The following ITPRID2 variants were observed in gnomAD, a reference collection of about 807,000 sequenced individuals.
ITPRID2 encodes ITPR interacting domain containing 2.
Under a neutral mutation model 124.3 loss-of-function variants are expected in ITPRID2, and 60 were observed. The ratio of observed to expected loss-of-function variants is 0.48; its 90% CI spans 0.39 to 0.60. ITPRID2 has a LOEUF of 0.60. Ranked by LOEUF, ITPRID2 falls within the 20% of genes least tolerant of loss-of-function variation. The pLI is 0.00. For missense variants in ITPRID2, 1,553 were observed against 1,512.2 expected (o/e 1.03, Z -0.45); for synonymous variants, 521 against 542.9 (o/e 0.96, Z 0.56).
intron 2 of ITPRID2, chr2:181,893,993 T>G (rs1691977344): frequency 6.6e-6 from 1 of 152,226 alleles, no homozygotes; most frequent in East Asian, 1.9e-4. Flanking sequence ...TAACTTTTAC[T>G]TAAGTCCTTT....
intron 8 of ITPRID2, 99 bp from the exon 9 acceptor site, chr2:181,909,800 C>A: frequency 2.5e-6 from 2 of 795,058 alleles, no homozygotes; most frequent in Non-Finnish European, 4.0e-6. Flanking sequence ...TTTTGGTGCA[C>A]TTGAGTTAGG....
At chr2:181,918,928 CAA>C in intron 13 of ITPRID2, 46 bp downstream of exon 13, 2 of 1,597,020 alleles carry the variant, frequency 1.3e-6, no homozygotes, top group Non-Finnish European at 1.7e-6. Context: ...GCTTTTCATT[CAA>C]AGTCTTCTCA....
At chr2:181,921,057 G>T (rs1436342773) in intron 15 of ITPRID2, among the ~76,000 whole-genome samples, 2 of 152,202 alleles carry the variant, frequency 1.3e-5, no homozygotes, top group Non-Finnish European at 2.9e-5. Context: ...GGTGATATGT[G>T]CCTGTAGTCC....
intron 8 of ITPRID2, among the ~76,000 whole-genome samples, chr2:181,906,299 A>G (rs1693111723): frequency 1.3e-5 from 2 of 152,194 alleles, no homozygotes; most frequent in African/African-American, 2.4e-5. Flanking sequence ...GAAGGAGCAC[A>G]GCGGGTGTCA....
At chr2:181,926,101 C>T (rs1349273728) in intron 16 of ITPRID2, among the ~76,000 whole-genome samples, 1 of 151,586 alleles carries the variant, frequency 6.6e-6, no homozygotes, top group African/African-American at 2.4e-5. Flanking sequence ...TGGTGAAACC[C>T]CATCTCTACT....
In ITPRID2 at chr2:181,919,650, A is replaced by T. The variant is rs1187820126; in HGVS notation, c.3144+204A>T. 1.3e-5 allele frequency among the ~76,000 whole-genome samples: 2 copies of T among 149,322 alleles called. No homozygotes were observed. The highest frequency in any genetic ancestry group is 1.9e-4 in the East Asian group (1 of 5,206). ...AATAGTATATTTAGAAATATGTTGA[A>T]AATTTTTAATGATAAATTTTAATAA... On this transcript the variant is annotated intron_variant, in intron 14 of 17. Transcript: ENST00000431877. The surrounding 1 kb of genome is among the most constrained non-coding windows in gnomAD (Gnocchi z 4.2).
At position 181,919,805 on chromosome 2, in the gene ITPRID2, G is replaced by T. The variant is rs980567190; in HGVS notation, c.3144+359G>T. Among the ~76,000 whole-genome samples, 1 of 149,228 alleles carries T rather than the reference G, an allele frequency of 6.7e-6. No homozygotes were observed. Among genetic ancestry groups the T allele is most frequent in the Non-Finnish European group, 1.5e-5 (1 of 67,110 alleles). ...AGAGAACACAGATGCATATTTTGCT[G>T]TTTTTTTTTCTTTCATGCCTTTAAA... On this transcript the variant is annotated intron_variant, in intron 14 of 17. Coordinates refer to ENST00000431877, the MANE Select transcript of ITPRID2 (RefSeq NM_001130445.3). The surrounding 1 kb of genome is among the most constrained non-coding windows in gnomAD (Gnocchi z 4.2).
chr2:181,892,285 C>T lies in ITPRID2; in HGVS notation c.211+8C>T, dbSNP rs1442394259. On this transcript the variant is annotated splice_region_variant and intron_variant, in intron 1 of 17. Coordinates refer to ENST00000431877, the MANE Select transcript of ITPRID2 (RefSeq NM_001130445.3). The surrounding 1 kb of genome is among the most constrained non-coding windows in gnomAD (Gnocchi z 5.2). ...CGGCAGCGGGGGGAAGAGGTCGGTG[C>T]TCCCGGCCGGGCTCCGGGGGGAGGC... is the stretch of plus-strand genomic sequence containing the variant. The T allele has an allele frequency of 6.5e-7, 1 of 1,542,016 alleles. No homozygotes were observed.
At chr2:181,894,899 G>A (rs1362126760) in intron 2 of ITPRID2, among the ~76,000 whole-genome samples, 1 of 151,996 alleles carries the variant, frequency 6.6e-6, no homozygotes, top group African/African-American at 2.4e-5. Flanking sequence ...AGACATCTGT[G>A]GACAGAGTAA....
intron 16 of ITPRID2, among the ~76,000 whole-genome samples, chr2:181,926,848 G>T (rs1017763348): frequency 6.6e-6 from 1 of 152,106 alleles, no homozygotes; most frequent in African/African-American, 2.4e-5. Flanking sequence ...TGTGAATATA[G>T]ATTTGCAGTG....
chr2:181,909,630 A>G (rs1486668712), intron 8 of ITPRID2, among the ~76,000 whole-genome samples: 1 of 152,178 alleles, frequency 6.6e-6, no homozygotes, highest in Non-Finnish European at 1.5e-5. Flanking sequence ...AAAATGATGG[A>G]AGCTAGTGCA....
At chr2:181,916,648 G>GT (rs1379035937) in intron 11 of ITPRID2, 2 of 732,306 alleles carry the variant, frequency 2.7e-6, no homozygotes, top group East Asian at 5.9e-5. Flanking sequence ...CTGCTCACAA[G>GT]TCTGTCTCCT....
At position 181,919,542 on chromosome 2, in the gene ITPRID2, T is replaced by A; in HGVS notation, c.3144+96T>A. 1 of 1,364,418 alleles carries A rather than the reference T, an allele frequency of 7.3e-7. No homozygotes were observed. Among genetic ancestry groups the A allele is most frequent in the Non-Finnish European group, 9.7e-7 (1 of 1,028,144 alleles). 84.5% of individuals were successfully genotyped at this position (1,364,418 alleles called of 1,614,324 possible). A position where few individuals can be genotyped will look rare whatever the true frequency, so the allele number is the denominator to read the frequency against. On this transcript the variant is annotated intron_variant, in intron 14 of 17. Coordinates refer to ENST00000431877, the MANE Select transcript of ITPRID2 (RefSeq NM_001130445.3). This position sits in a 1 kb window ranked among gnomAD's most constrained non-coding sequence, Gnocchi z 4.2. Reference sequence around the variant, plus strand: ...TGTGCCTTCATTTCAAGTCATTTATTTTAATGGTATTAAAAGCATGCATAC... The same window carrying A: ...TGTGCCTTCATTTCAAGTCATTTATATTAATGGTATTAAAAGCATGCATAC...
chr2:181,915,082 C>T (rs1302688006), intron 10 of ITPRID2, 134 bp from the exon 11 acceptor site: 1 of 1,014,508 alleles, frequency 9.9e-7, no homozygotes, highest in Non-Finnish European at 1.5e-6. Context: ...AGCAATAAAA[C>T]AATTTTGAGC....
Position 181,915,496 on chromosome 2 carries a change from T to C in ITPRID2, c.1856T>C (p.Ile619Thr), listed in dbSNP as rs1693958959. 5.0e-6 allele frequency: 8 copies of C among 1,614,158 alleles called. No individual in the cohort carries two copies. Among genetic ancestry groups the C allele is most frequent in the Non-Finnish European group, 5.9e-6 (7 of 1,180,020 alleles). The change falls in exon 11 of 18, where the codon ATT becomes ACT. Residue 619 changes from isoleucine to threonine, a missense_variant. Ile to Thr is a moderately conservative substitution (Grantham distance 89). Coordinates refer to ENST00000431877, the MANE Select transcript of ITPRID2 (RefSeq NM_001130445.3). ...QSTCSPGDHI[I>T]EITEVEEDLF... ...ACCTGTAGTCCAGGGGATCATATCA[T>C]TGAAATTACTGAAGTGGAAGAGGAT...
chr2:181,921,580 G>A (rs902719200), intron 15 of ITPRID2, among the ~76,000 whole-genome samples: 4 of 152,146 alleles, frequency 2.6e-5, no homozygotes, highest in East Asian at 1.9e-4. Flanking sequence ...ACATGACCAC[G>A]TTTTTAACAG....
Position 181,928,295 on chromosome 2 carries a change from TTC to T in ITPRID2, c.*13+19_*13+20del. ...AAATTATAGGTAAATTTTTCTGAGT[TTC>T]TTTGTTGAGCTAAATGTAAATAGTA... On this transcript the variant is annotated intron_variant, in intron 17 of 17. Transcript: ENST00000431877. The T allele has an allele frequency of 7.0e-7, 1 of 1,430,638 alleles. No individual in the cohort carries two copies. The highest frequency in any genetic ancestry group is 9.5e-7 in the Non-Finnish European group (1 of 1,048,618). The allele number at this position is 1,430,638 out of a possible 1,614,324, so 88.6% of individuals were successfully genotyped here. A position where few individuals can be genotyped will look rare whatever the true frequency, so the allele number is the denominator to read the frequency against.
chr2:181,924,521 G>A (rs575522999), intron 16 of ITPRID2, among the ~76,000 whole-genome samples: 4 of 152,256 alleles, frequency 2.6e-5, no homozygotes, highest in South Asian at 2.1e-4. Context: ...ATTCAGGAAG[G>A]CAAGATTTAA....
In ITPRID2 at chr2:181,902,095, A is replaced by G; in HGVS notation, c.1042A>G (p.Lys348Glu). 6.2e-7 allele frequency: 1 copy of G among 1,610,908 alleles called. No homozygotes were observed. The highest frequency in any genetic ancestry group is 1.1e-5 in the South Asian group (1 of 90,162). ...CGATCAAAAGTCTCAAAAAATTATG[A>G]AGAAGAAAGAGTCATCTTCTATGTT... ...KNDQKSQKIMKKKESSSMLAT... is the reference protein window; with the variant it reads ...KNDQKSQKIMEKKESSSMLAT... Residue 348 changes from lysine (K) to glutamate (E), a missense_variant, in exon 8 of 18, where the codon AAG (lysine) becomes GAG (glutamate). Transcript: ENST00000431877. The surrounding 1 kb of genome is among the most constrained non-coding windows in gnomAD (Gnocchi z 4.4).
Sources: allele counts gnomAD v4.1 joint callset (sites outside exome capture counted in the v4.1 genomes callset), GRCh38; gene constraint gnomAD v4.1.1; non-coding constraint Gnocchi (gnomAD v3.1); transcripts MANE v1.5; gene names NCBI Gene and HGNC (gene_info 2026-07-23, HGNC 2026-07-21).